ARHGAP18: variants seen among roughly 807,000 people sequenced by gnomAD.
The protein encoded by ARHGAP18 is rho GTPase-activating protein 18.
In ARHGAP18, 67 loss-of-function variants were observed where a neutral mutation model predicts 86.2. That is an observed-to-expected ratio of 0.78 (90% CI 0.64 to 0.95). The LOEUF is 0.95. Ranked by LOEUF, ARHGAP18 falls within the 40% of genes least tolerant of loss-of-function variation. The probability of loss-of-function intolerance (pLI) is 0.00; values close to 1 mark genes in which losing one functional copy is unlikely to be tolerated. For synonymous variants in ARHGAP18, 283 were observed against 280.4 expected, an observed-to-expected ratio of 1.01 and a Z score of -0.09; for missense variants, 691 against 780.4, an observed-to-expected ratio of 0.89 and a Z score of 1.37.
chr6:129,578,435 A>G lies in ARHGAP18; in HGVS notation c.*78T>C. On this transcript the variant is annotated 3_prime_UTR_variant, in exon 15 of 15. Coordinates refer to ENST00000368149, the MANE Select transcript of ARHGAP18 (RefSeq NM_033515.3). ...ACAACTGAATAATATGAGTCCTGCC[A>G]TTTCTTTTATTTACACTCTTGACTC... The G allele has an allele frequency of 2.6e-6, 3 of 1,155,418 alleles. No individual in the cohort carries two copies. The East Asian group carries it at 7.4e-5, about 29-fold the overall frequency. 71.6% of individuals were successfully genotyped at this position (1,155,418 alleles called of 1,614,324 possible).
intron 4 of ARHGAP18, among the ~76,000 whole-genome samples, chr6:129,632,369 G>T (rs1457295702): frequency 6.6e-6 from 1 of 152,182 alleles, no homozygotes; most frequent in Non-Finnish European, 1.5e-5. Flanking sequence ...CTGCAAGCCA[G>T]GCAGGAAAGT....
At chr6:129,584,527 AT>A (rs1489735400) in intron 12 of ARHGAP18, among the ~76,000 whole-genome samples, 1 of 152,050 alleles carries the variant, frequency 6.6e-6, no homozygotes, top group Non-Finnish European at 1.5e-5. Context: ...ATTTCACAAA[AT>A]TTTTTTGTCT....
intron 13 of ARHGAP18, among the ~76,000 whole-genome samples, chr6:129,583,300 G>T (rs1481619234): frequency 2.0e-5 from 3 of 152,144 alleles, no homozygotes; most frequent in Non-Finnish European, 2.9e-5. Flanking sequence ...GGCAAAACCT[G>T]AAAATACAAT....
chr6:129,708,337 G>A (rs571062917), intron 1 of ARHGAP18, among the ~76,000 whole-genome samples: 44 of 152,130 alleles, frequency 2.9e-4, no homozygotes, highest in African/African-American at 1.7e-4. Flanking sequence ...GGCACTTGCC[G>A]TGTGGGCAGC....
chr6:129,644,997 TTTTTC>T (rs1374153930), intron 1 of ARHGAP18, among the ~76,000 whole-genome samples: 1 of 152,130 alleles, frequency 6.6e-6, no homozygotes, highest in Admixed American at 6.5e-5. Context: ...AGGAATTTTC[TTTTTC>T]TTTTGTCTGT....
At chr6:129,675,721 A>G (rs1258195851) in intron 1 of ARHGAP18, among the ~76,000 whole-genome samples, 5 of 152,188 alleles carry the variant, frequency 3.3e-5, no homozygotes, top group African/African-American at 1.2e-4. Flanking sequence ...AGAGGGAATA[A>G]GAAATAGAGA....
At chr6:129,671,390 A>G (rs1456931686) in intron 1 of ARHGAP18, among the ~76,000 whole-genome samples, 1 of 152,238 alleles carries the variant, frequency 6.6e-6, no homozygotes, top group Non-Finnish European at 1.5e-5. Context: ...ACGTGTGTTC[A>G]TCTTCACAAA....
At chr6:129,581,786 C>T (rs1788295188) in intron 13 of ARHGAP18, among the ~76,000 whole-genome samples, 1 of 152,082 alleles carries the variant, frequency 6.6e-6, no homozygotes, top group African/African-American at 2.4e-5. Context: ...AGAGTTTCTA[C>T]CTGCCCCAGC....
intron 7 of ARHGAP18, among the ~76,000 whole-genome samples, chr6:129,615,998 C>T (rs532146236): frequency 6.6e-6 from 1 of 152,210 alleles, no homozygotes; most frequent in African/African-American, 2.4e-5. Context: ...GAAAATGACG[C>T]CAGGTAATCA....
intron 1 of ARHGAP18, among the ~76,000 whole-genome samples, chr6:129,694,221 C>T (rs1774575491): frequency 6.6e-6 from 1 of 152,156 alleles, no homozygotes; most frequent in Non-Finnish European, 1.5e-5. Context: ...GCATTCGGTT[C>T]ACAAAAGATA....
chr6:129,611,329 T>G (rs906386034), intron 8 of ARHGAP18, among the ~76,000 whole-genome samples: 3 of 152,214 alleles, frequency 2.0e-5, no homozygotes, highest in Non-Finnish European at 4.4e-5. Flanking sequence ...TATGGTGATT[T>G]TGAAAACAAA....
intron 1 of ARHGAP18, among the ~76,000 whole-genome samples, chr6:129,659,700 G>A (rs1046170735): frequency 3.9e-5 from 6 of 152,110 alleles, no homozygotes; most frequent in Non-Finnish European, 8.8e-5. Context: ...TTGAACTCTT[G>A]GTCTCCCAAA....
At chr6:129,709,917 C>G (rs1402894631) in intron 1 of ARHGAP18, 107 bp downstream of exon 1, 2 of 852,354 alleles carry the variant, frequency 2.3e-6, no homozygotes, top group African/African-American at 1.7e-5. Context: ...CGAGCTCAGG[C>G]TCGACGTGCA....
In ARHGAP18 at chr6:129,611,521, C is replaced by T. The variant is rs752385544; in HGVS notation, c.1122+12G>A. On this transcript the variant is annotated intron_variant, in intron 8 of 14. Transcript: ENST00000368149. ...CAATAAAATGTTTACATTAGTAGAA[C>T]CCAGAGATTACCTTGATTCTAATGG... The T allele has an allele frequency of 6.2e-7, 1 of 1,610,670 alleles. No homozygotes were observed. The highest frequency in any genetic ancestry group is 1.1e-5 in the South Asian group (1 of 91,018).
In ARHGAP18 at chr6:129,702,487, T is replaced by G. The variant is rs192335655; in HGVS notation, c.113+7537A>C. Among the ~76,000 whole-genome samples, 147 of 152,108 alleles carry G rather than the reference T, an allele frequency of 9.7e-4. 1 individual carries two copies. The highest frequency in any genetic ancestry group is 1.2e-3 in the South Asian group (6 of 4,810). ...AGAACAAACCATCTCTCTCAAAATA[T>G]TCGTATGAAATGAAAGGGTGGGCAC... is the stretch of plus-strand genomic sequence containing the variant. On this transcript the variant is annotated intron_variant, in intron 1 of 14. Coordinates refer to ENST00000368149, the MANE Select transcript of ARHGAP18 (RefSeq NM_033515.3).
intron 12 of ARHGAP18, among the ~76,000 whole-genome samples, chr6:129,584,757 T>C (rs1026351249): frequency 6.6e-6 from 1 of 152,202 alleles, no homozygotes; most frequent in Non-Finnish European, 1.5e-5. Context: ...GCGTTAGAAA[T>C]ATTAGTCTTA....
At chr6:129,686,360 A>G (rs1247691863) in intron 1 of ARHGAP18, among the ~76,000 whole-genome samples, 2 of 152,174 alleles carry the variant, frequency 1.3e-5, no homozygotes, top group East Asian at 1.9e-4. Context: ...AGCCATTCCC[A>G]TAAGACTCTC....
At chr6:129,605,583 G>GA (rs902390439) in intron 10 of ARHGAP18, among the ~76,000 whole-genome samples, 26 of 150,852 alleles carry the variant, frequency 1.7e-4, no homozygotes, top group Admixed American at 1.3e-3. Context: ...ATAAGAAGGA[G>GA]AAAAAAAACA....
At chr6:129,686,188 A>T (rs1774421046) in intron 1 of ARHGAP18, among the ~76,000 whole-genome samples, 1 of 152,160 alleles carries the variant, frequency 6.6e-6, no homozygotes, top group Non-Finnish European at 1.5e-5. Context: ...TTTTCCCAGC[A>T]GGGCCGTTCA....
Sources: gnomAD v4.1 joint callset for allele counts (sites outside exome capture counted in the v4.1 genomes callset) on GRCh38, gnomAD v4.1.1 for gene constraint, MANE v1.5 for transcripts, NCBI Gene and HGNC (gene_info 2026-07-23, HGNC 2026-07-21) for gene names.